Variants in PWP2 observed in about 807,000 individuals in gnomAD.
PWP2 encodes the protein periodic tryptophan protein 2 homolog.
For missense variants in PWP2, 35 were observed against 114.1 expected, an observed-to-expected ratio of 0.31 and a Z score of 3.16; for synonymous variants, 24 against 45.4, an observed-to-expected ratio of 0.53 and a Z score of 1.89.
Position 44,107,422 on chromosome 21 carries a change from G to A in PWP2, c.6G>A (p.Lys2=). M[K]FAYRFSNLLG... ...GCACACGTGCGACGGCCGTGATGAA[G>A]TTCGCTTACCGGGTGAGCGCGGGCG... The change falls in exon 1 of 21, where the codon AAG becomes AAA. Residue 2 remains lysine (K), a synonymous_variant. Transcript: ENST00000291576. 1.4e-6 allele frequency: 2 copies of A among 1,417,020 alleles called. No individual in the cohort carries two copies. Among genetic ancestry groups the A allele is most frequent in the East Asian group, 2.9e-5 (1 of 34,576 alleles). The allele number at this position is 1,417,020 out of a possible 1,614,324, so 87.8% of individuals were successfully genotyped here. A position where few individuals can be genotyped will look rare whatever the true frequency, so the allele number is the denominator to read the frequency against.
At position 44,118,644 on chromosome 21, in the gene PWP2, G is replaced by A. The variant is rs79190358; in HGVS notation, c.981-119G>A. 73 of 259,120 alleles carry A rather than the reference G, an allele frequency of 2.8e-4. 31 individuals are homozygous for A. In the East Asian group the frequency reaches 4.3e-3, roughly 15 times the overall value. The allele number at this position is 259,120 out of a possible 1,614,324, so 16.1% of individuals were successfully genotyped here. On this transcript the variant is annotated intron_variant, in intron 8 of 20. Transcript: ENST00000291576. ...GAAGTGAATTGTTGGAGTCTGGTGA[G>A]TGGGTGGGGTAAGCTCTGCACACAG...
chr21:44,117,164 G>C lies in PWP2; in HGVS notation c.837-656G>C, dbSNP rs544569673. 3.0e-4 allele frequency among the ~76,000 whole-genome samples: 22 copies of C among 73,416 alleles called. 10 individuals carry two copies. In the South Asian group the frequency reaches 8.0e-3, roughly 27 times the overall value. 48.2% of individuals were successfully genotyped at this position (73,416 alleles called of 152,430 possible). On this transcript the variant is annotated intron_variant, in intron 7 of 20. Transcript: ENST00000291576. ...CTTGGGGGTGTTGTGCTGGAGTCAA[G>C]ACTTGAATGGGGACTGGAGGAAGAG...
At chr21:44,112,955 T>C (rs1334182495) in intron 2 of PWP2, among the ~76,000 whole-genome samples, 1 of 41,714 alleles carries the variant, frequency 2.4e-5, no homozygotes, top group African/African-American at 5.1e-5. Context: ...CATTTCTTTT[T>C]CTTTTTTTTT....
Position 44,118,840 on chromosome 21 carries a change from C to A in PWP2, c.1051+7C>A. ...ATTGCTTTTGGCTGTTCAGGTTTGT[C>A]CCCCGCCTGGGTGGTAGAGATGGAC... On this transcript the variant is annotated splice_region_variant and intron_variant, in intron 9 of 20. Coordinates refer to ENST00000291576, the MANE Select transcript of PWP2 (RefSeq NM_005049.3). 3.2e-6 allele frequency: 2 copies of A among 621,646 alleles called. 1 individual carries two copies. The highest frequency in any genetic ancestry group is 3.3e-5 in the African/African-American group (2 of 61,392). 38.5% of individuals were successfully genotyped at this position (621,646 alleles called of 1,614,324 possible). A position where few individuals can be genotyped will look rare whatever the true frequency, so the allele number is the denominator to read the frequency against.
Position 44,112,246 on chromosome 21 carries a change from A to G in PWP2, c.132-1507A>G, listed in dbSNP as rs191951765. Among the ~76,000 whole-genome samples, 123 of 67,702 alleles carry G rather than the reference A, an allele frequency of 1.8e-3. 24 individuals are homozygous for G. The highest frequency in any genetic ancestry group is 3.6e-3 in the African/African-American group (115 of 31,794). 44.4% of individuals were successfully genotyped at this position (67,702 alleles called of 152,430 possible). A position where few individuals can be genotyped will look rare whatever the true frequency, so the allele number is the denominator to read the frequency against. On this transcript the variant is annotated intron_variant, in intron 2 of 20. Coordinates refer to ENST00000291576, the MANE Select transcript of PWP2 (RefSeq NM_005049.3). ...AAAGGAAGAGTCCATCGATACGGCA[A>G]GCTTCACTGTTGTGTTAGGAATTGG...
Position 44,119,376 on chromosome 21 carries a change from C to G in PWP2, c.1052-11C>G, listed in dbSNP as rs1399983011. The G allele has an allele frequency of 4.0e-5, 23 of 570,038 alleles. 10 individuals are homozygous for G. Among genetic ancestry groups the G allele is most frequent in the Middle Eastern group, 1.1e-3 (2 of 1,848 alleles). The allele number at this position is 570,038 out of a possible 1,614,324, so 35.3% of individuals were successfully genotyped here. On this transcript the variant is annotated splice_polypyrimidine_tract_variant and intron_variant, in intron 9 of 20. Coordinates refer to ENST00000291576, the MANE Select transcript of PWP2 (RefSeq NM_005049.3). ...CTGAGCCGGGTACCCCAGCTTCCCC[C>G]GTGTGCACAGGCCTGGGCCAGCTGC...
At position 44,112,149 on chromosome 21, in the gene PWP2, C is replaced by T. The variant is rs966876035; in HGVS notation, c.132-1604C>T. 4.0e-5 allele frequency among the ~76,000 whole-genome samples: 3 copies of T among 74,782 alleles called. 1 individual carries two copies. Among genetic ancestry groups the T allele is most frequent in the South Asian group, 7.0e-4 (2 of 2,870 alleles). 49.1% of individuals were successfully genotyped at this position (74,782 alleles called of 152,430 possible). ...TGGGAGCATTTGTGAGGATTGACTCCGGTTTTGAAAGAAGGTCTGTTGTGG... is the reference window on the plus strand; with the variant it reads ...TGGGAGCATTTGTGAGGATTGACTCTGGTTTTGAAAGAAGGTCTGTTGTGG... On this transcript the variant is annotated intron_variant, in intron 2 of 20. Transcript: ENST00000291576.
Position 44,107,514 on chromosome 21 carries a change from TG to T in PWP2, c.18+85del, listed in dbSNP as rs1280842407. On this transcript the variant is annotated intron_variant, in intron 1 of 20. Transcript: ENST00000291576. ...GCGCCTGAGCTGGCTCCGGGCGGGC[TG>T]GGGGCGCGTGGTCTGCTTTTGCGGC... The T allele has an allele frequency of 6.4e-5, 37 of 579,976 alleles. 1 individual carries two copies. The highest frequency in any genetic ancestry group is 8.2e-5 in the Non-Finnish European group (33 of 401,774). 35.9% of individuals were successfully genotyped at this position (579,976 alleles called of 1,614,324 possible). A position where few individuals can be genotyped will look rare whatever the true frequency, so the allele number is the denominator to read the frequency against.
At position 44,113,731 on chromosome 21, in the gene PWP2, CTG is replaced by C. The variant is rs1476302703; in HGVS notation, c.132-19_132-18del. Reference sequence around the variant, plus strand: ...ATGTGACTTGAGGACCAACAGCACACTGTGGTTTTTGTCTTTATCAGCAACAA... The same window carrying C: ...ATGTGACTTGAGGACCAACAGCACACTGGTTTTTGTCTTTATCAGCAACAA... On this transcript the variant is annotated intron_variant, in intron 2 of 20. Coordinates refer to ENST00000291576, the MANE Select transcript of PWP2 (RefSeq NM_005049.3). 3.3e-5 allele frequency: 1 copy of C among 30,470 alleles called. No homozygotes were observed. The highest frequency in any genetic ancestry group is 1.5e-4 in the African/African-American group (1 of 6,568). The allele number at this position is 30,470 out of a possible 1,614,324, so 1.9% of individuals were successfully genotyped here.
chr21:44,111,822 C>T (rs1004123680), intron 2 of PWP2, among the ~76,000 whole-genome samples: 2 of 71,878 alleles, frequency 2.8e-5, no homozygotes, highest in Admixed American at 1.6e-4. Context: ...AATTCTCCTG[C>T]CTCGGGCCCC....
intron 17 of PWP2, 64 bp from the exon 18 acceptor site, chr21:44,127,868 A>G: frequency 7.8e-6 from 1 of 127,432 alleles, no homozygotes; most frequent in South Asian, 8.2e-5. Context: ...AAAAAAAAAA[A>G]AAGAAAAAAA....
Position 44,119,518 on chromosome 21 carries a change from G to A in PWP2, c.1183G>A (p.Gly395Ser), listed in dbSNP as rs750664184. The stretch of plus-strand genomic sequence containing the variant: ...GTACATCGTGACTGGCGGGGACGAC[G>A]GCAAGGTAGGCTCCTGTCCCCGTCC... ...GQYIVTGGDD[G>S]KVKVWNTLSG... Residue 395 changes from glycine (G) to serine (S), a missense_variant, in exon 10 of 21, where the codon GGC becomes AGC. Coordinates refer to ENST00000291576, the MANE Select transcript of PWP2 (RefSeq NM_005049.3). 8.9e-6 allele frequency: 5 copies of A among 559,938 alleles called. 1 individual carries two copies. Among genetic ancestry groups the A allele is most frequent in the African/African-American group, 5.0e-5 (3 of 60,188 alleles). 34.7% of individuals were successfully genotyped at this position (559,938 alleles called of 1,614,324 possible).
rs2039310008 is a variant in PWP2 at position 44,125,510 on chromosome 21, CTCA to C, written c.1966-500_1966-498del. The C allele has an allele frequency of 3.0e-5, 2 of 65,950 alleles. 1 individual carries two copies. The highest frequency in any genetic ancestry group is 6.3e-5 in the African/African-American group (2 of 31,520). The allele number at this position is 65,950 out of a possible 1,614,324, so 4.1% of individuals were successfully genotyped here. A position where few individuals can be genotyped will look rare whatever the true frequency, so the allele number is the denominator to read the frequency against. On this transcript the variant is annotated intron_variant, in intron 15 of 20. Transcript: ENST00000291576. The stretch of plus-strand genomic sequence containing the variant: ...TCCCCACTGGTGCCTGCCCTTCCCC[CTCA>C]GCACAGCCCTCGGCTCAGGTCCCAC...
At position 44,121,131 on chromosome 21, in the gene PWP2, C is replaced by T. The variant is rs201365340; in HGVS notation, c.1636+29C>T. On this transcript the variant is annotated intron_variant, in intron 13 of 20. Transcript: ENST00000291576. ...AGCACGAGGCAGCAGGCAGGAGCAG[C>T]GGCCTGGGGACCAGCAGCATGCTGT... 5 of 319,884 alleles carry T rather than the reference C, an allele frequency of 1.6e-5. 1 individual carries two copies. Among genetic ancestry groups the T allele is most frequent in the Non-Finnish European group, 3.0e-5 (5 of 167,800 alleles). The allele number at this position is 319,884 out of a possible 1,614,324, so 19.8% of individuals were successfully genotyped here.
intron 2 of PWP2, among the ~76,000 whole-genome samples, 157 bp from the exon 3 acceptor site, chr21:44,113,596 G>GT (rs1034672357): frequency 1.0e-4 from 1 of 9,806 alleles, no homozygotes; most frequent in African/African-American, 1.9e-4. Flanking sequence ...TTTTTCAGGA[G>GT]TGGGGGGTAT....
At chr21:44,114,997 TC>T (rs35040592) in intron 5 of PWP2, among the ~76,000 whole-genome samples, 12,666 of 56,838 alleles carry the variant, frequency 0.22, 4,170 homozygotes, top group African/African-American at 0.35. Flanking sequence ...CACCTGTTTG[TC>T]CCAGAAACTG....
chr21:44,117,161 C>G (rs2039256028), intron 7 of PWP2, among the ~76,000 whole-genome samples: 1 of 73,172 alleles, frequency 1.4e-5, no homozygotes, highest in African/African-American at 3.0e-5. Flanking sequence ...GTGCTGGAGT[C>G]AAGACTTGAA....
At position 44,119,371 on chromosome 21, in the gene PWP2, T is replaced by TC. The variant is rs1160046697; in HGVS notation, c.1052-11dup. Reference sequence around the variant, plus strand: ...TGGGCCTGAGCCGGGTACCCCAGCTTCCCCCGTGTGCACAGGCCTGGGCCA... The same window carrying TC: ...TGGGCCTGAGCCGGGTACCCCAGCTTCCCCCCGTGTGCACAGGCCTGGGCCA... On this transcript the variant is annotated splice_polypyrimidine_tract_variant and intron_variant, in intron 9 of 20. Coordinates refer to ENST00000291576, the MANE Select transcript of PWP2 (RefSeq NM_005049.3). The TC allele has an allele frequency of 1.8e-6, 1 of 569,274 alleles. No homozygotes were observed. The allele number at this position is 569,274 out of a possible 1,614,324, so 35.3% of individuals were successfully genotyped here. A position where few individuals can be genotyped will look rare whatever the true frequency, so the allele number is the denominator to read the frequency against.
chr21:44,117,056 A>C (rs1441225712), intron 7 of PWP2, among the ~76,000 whole-genome samples: 3 of 63,238 alleles, frequency 4.7e-5, no homozygotes, highest in African/African-American at 1.0e-4. Context: ...GAACAGGTCC[A>C]AGTGGGTCAG....
Sources: gnomAD v4.1 joint callset for allele counts (sites outside exome capture counted in the v4.1 genomes callset) on GRCh38, gnomAD v4.1.1 for gene constraint, MANE v1.5 for transcripts, NCBI Gene and HGNC (gene_info 2026-07-23, HGNC 2026-07-21) for gene names.